The following DLGAP4 variants were observed in gnomAD, a reference collection of about 807,000 sequenced individuals.
DLGAP4 encodes the protein DLG associated protein 4, also known as disks large-associated protein 4.
In DLGAP4, 18 loss-of-function variants were observed where a neutral mutation model predicts 86.9. That is an observed-to-expected ratio of 0.21 (90% CI 0.14 to 0.31). DLGAP4 has a LOEUF of 0.31. DLGAP4 is among the 10% of genes least tolerant of loss of function. The pLI, the probability that DLGAP4 is intolerant of heterozygous loss-of-function variation, is 1.00. For missense variants in DLGAP4, 1,085 were observed against 1,362.6 expected (o/e 0.80, Z 3.21); for synonymous variants, 548 against 574.3 (o/e 0.95, Z 0.65).
chr20:36,458,189 G>A (rs1260450737), intron 7 of DLGAP4, among the ~76,000 whole-genome samples: 6 of 151,782 alleles, frequency 4.0e-5, no homozygotes, highest in Admixed American at 3.9e-4. Context: ...TGGAGCACAA[G>A]AGTGACATGA....
At chr20:36,477,122 A>G (rs935008148) in intron 7 of DLGAP4, among the ~76,000 whole-genome samples, 1 of 149,240 alleles carries the variant, frequency 6.7e-6, no homozygotes, top group Non-Finnish European at 1.5e-5. Context: ...TTTTTTTAAG[A>G]CAGAGTCTCT....
Position 36,439,843 on chromosome 20 carries a change from TCAA to T in DLGAP4, c.1333_1335del (p.Asn445del). 6.2e-7 allele frequency: 1 copy of T among 1,601,056 alleles called. No individual in the cohort carries two copies. Among genetic ancestry groups the T allele is most frequent in the Non-Finnish European group, 8.5e-7 (1 of 1,171,092 alleles). Reference sequence around the variant, plus strand: ...GACTACACCCCCGTCAGCGACAGCCTCAACGACTCCAGCTGCATCAGCCAGGTG... The same window carrying T: ...GACTACACCCCCGTCAGCGACAGCCTCGACTCCAGCTGCATCAGCCAGGTG... On this transcript the variant is annotated inframe_deletion, in exon 5 of 13. Transcript: ENST00000339266.
chr20:36,519,203 C>A (rs2037221978), intron 10 of DLGAP4, among the ~76,000 whole-genome samples: 1 of 152,016 alleles, frequency 6.6e-6, no homozygotes, highest in Non-Finnish European at 1.5e-5. Context: ...TGCGCACGCA[C>A]AGAAGGTCAA....
rs756938520 is a variant in DLGAP4, at chr20:36,432,530, C to T, written c.813C>T (p.Pro271=). ...TTELTAPPPP[P]APPATCPSLG... ...AGCTGACTGCCCCACCACCCCCGCCCGCACCCCCAGCCACCTGCCCCAGCC... is the reference window on the plus strand; with the variant it reads ...AGCTGACTGCCCCACCACCCCCGCCTGCACCCCCAGCCACCTGCCCCAGCC... The change falls in exon 3 of 13, where the codon CCC becomes CCT. Residue 271 remains proline (P), a synonymous_variant. Coordinates refer to ENST00000339266, the MANE Select transcript of DLGAP4 (RefSeq NM_001365621.2). This position sits in a 1 kb window ranked among gnomAD's most constrained non-coding sequence, Gnocchi z 6.5. The T allele has an allele frequency of 1.5e-5, 24 of 1,608,640 alleles. No individual in the cohort carries two copies. Among genetic ancestry groups the T allele is most frequent in the African/African-American group, 8.0e-5 (6 of 74,820 alleles).
rs2037857356 is a variant in DLGAP4, at chr20:36,527,742, A to C, written c.*711A>C. ...CACTCACCGCTGAGCAGATGAGGGAAGTTTTAGTCTTGGCGGGTGGAAATG... is the reference window on the plus strand; with the variant it reads ...CACTCACCGCTGAGCAGATGAGGGACGTTTTAGTCTTGGCGGGTGGAAATG... On this transcript the variant is annotated 3_prime_UTR_variant, in exon 13 of 13. Transcript: ENST00000339266. 6.5e-6 allele frequency: 1 copy of C among 152,682 alleles called. No individual in the cohort carries two copies. The highest frequency in any genetic ancestry group is 1.5e-5 in the Non-Finnish European group (1 of 68,062). 9.5% of individuals were successfully genotyped at this position (152,682 alleles called of 1,614,324 possible). A position where few individuals can be genotyped will look rare whatever the true frequency, so the allele number is the denominator to read the frequency against.
chr20:36,482,077 T>C (rs1231021292), intron 7 of DLGAP4, among the ~76,000 whole-genome samples: 1 of 152,184 alleles, frequency 6.6e-6, no homozygotes, highest in Non-Finnish European at 1.5e-5. Context: ...TGAAGTGAAC[T>C]CACGGTTTTC....
chr20:36,443,138 A>G (rs11906476), intron 6 of DLGAP4, among the ~76,000 whole-genome samples: 135,072 of 152,222 alleles, frequency 0.89, 60,136 homozygotes, highest in African/African-American at 0.95. Flanking sequence ...CTGGGGGCTG[A>G]TGATATTAGC....
At chr20:36,318,079 G>A (rs2065126575) in intron 1 of DLGAP4, among the ~76,000 whole-genome samples, 1 of 148,926 alleles carries the variant, frequency 6.7e-6, no homozygotes, top group Non-Finnish European at 1.5e-5. Flanking sequence ...ACATTTAGCA[G>A]CTTAAAGCAG....
At chr20:36,450,087 T>C (rs1015890136) in intron 7 of DLGAP4, among the ~76,000 whole-genome samples, 2 of 152,252 alleles carry the variant, frequency 1.3e-5, no homozygotes, top group Admixed American at 6.5e-5. Context: ...TAACATCCTA[T>C]TGGCAACACA....
chr20:36,456,478 G>A (rs1470807210), intron 7 of DLGAP4, among the ~76,000 whole-genome samples: 1 of 152,216 alleles, frequency 6.6e-6, no homozygotes, highest in Non-Finnish European at 1.5e-5. Context: ...GTGACAGTGA[G>A]GTCAGGACAG....
chr20:36,336,373 G>A (rs1421091069), intron 1 of DLGAP4, among the ~76,000 whole-genome samples: 5 of 152,148 alleles, frequency 3.3e-5, no homozygotes, highest in African/African-American at 1.2e-4. Flanking sequence ...TCTGCCCCCA[G>A]ACACCTGCAG....
chr20:36,527,179 A>G lies in DLGAP4; in HGVS notation c.*148A>G. The G allele has an allele frequency of 2.4e-6, 2 of 829,464 alleles. No homozygotes were observed. Among genetic ancestry groups the G allele is most frequent in the Non-Finnish European group, 3.5e-6 (2 of 574,728 alleles). The allele number at this position is 829,464 out of a possible 1,614,324, so 51.4% of individuals were successfully genotyped here. On this transcript the variant is annotated 3_prime_UTR_variant, in exon 13 of 13. Coordinates refer to ENST00000339266, the MANE Select transcript of DLGAP4 (RefSeq NM_001365621.2). ...CAAATTGACGCATACAAGGGCTCAC[A>G]ATTTGGCTTTTTTGGGTCCCTCCCA... is the stretch of plus-strand genomic sequence containing the variant.
intron 2 of DLGAP4, among the ~76,000 whole-genome samples, chr20:36,389,411 C>T (rs754733694): frequency 8.5e-5 from 13 of 152,214 alleles, no homozygotes; most frequent in Non-Finnish European, 1.6e-4. Context: ...GCTTTCCCAT[C>T]CACCAAATGG....
intron 4 of DLGAP4, among the ~76,000 whole-genome samples, chr20:36,436,583 G>A (rs570279189): frequency 6.6e-6 from 1 of 152,148 alleles, no homozygotes; most frequent in Non-Finnish European, 1.5e-5. Context: ...TTGGGAGGTC[G>A]AGGCGGGTGG....
chr20:36,527,034 C>T lies in DLGAP4; in HGVS notation c.*3C>T, dbSNP rs200606100. 291 of 1,588,836 alleles carry T rather than the reference C, an allele frequency of 1.8e-4. 1 individual carries two copies. In the African/African-American group the frequency reaches 3.7e-3, roughly 20 times the overall value. ...CGGAGGCCCAGACCAGGCTCTGAGA[C>T]CATGCAGGAGGAAAGAAACGATTTT... On this transcript the variant is annotated 3_prime_UTR_variant, in exon 13 of 13. Transcript: ENST00000339266.
intron 1 of DLGAP4, among the ~76,000 whole-genome samples, chr20:36,364,354 C>A (rs975167656): frequency 1.3e-5 from 2 of 151,938 alleles, no homozygotes; most frequent in Admixed American, 6.5e-5. Flanking sequence ...GAGGCCAGGC[C>A]TGGGCAACAT....
In DLGAP4 at chr20:36,527,142, T is replaced by C; in HGVS notation, c.*111T>C. 8.5e-7 allele frequency: 1 copy of C among 1,179,800 alleles called. No individual in the cohort carries two copies. The allele number at this position is 1,179,800 out of a possible 1,614,324, so 73.1% of individuals were successfully genotyped here. On this transcript the variant is annotated 3_prime_UTR_variant, in exon 13 of 13. Coordinates refer to ENST00000339266, the MANE Select transcript of DLGAP4 (RefSeq NM_001365621.2). Reference sequence around the variant, plus strand: ...CTATGGTTATTCTGTCTAGAGACCCTGAGCCAACTTTCAAATTGACGCATA... The same window carrying C: ...CTATGGTTATTCTGTCTAGAGACCCCGAGCCAACTTTCAAATTGACGCATA...
At chr20:36,357,130 G>T (rs1338889723) in intron 1 of DLGAP4, among the ~76,000 whole-genome samples, 1 of 152,112 alleles carries the variant, frequency 6.6e-6, no homozygotes, top group East Asian at 1.9e-4. Flanking sequence ...GACTGGCACT[G>T]CAGGACCCTC....
intron 7 of DLGAP4, among the ~76,000 whole-genome samples, chr20:36,488,411 A>T (rs895089417): frequency 2.6e-5 from 4 of 152,056 alleles, no homozygotes; most frequent in Non-Finnish European, 4.4e-5. Flanking sequence ...CAGCTAAAGG[A>T]TAGCTAAAGT....
Sources: allele counts gnomAD v4.1 joint callset (sites outside exome capture counted in the v4.1 genomes callset), GRCh38; gene constraint gnomAD v4.1.1; non-coding constraint Gnocchi (gnomAD v3.1); transcripts MANE v1.5; gene names NCBI Gene and HGNC (gene_info 2026-07-23, HGNC 2026-07-21).